Variants in TMEM18 observed in about 807,000 individuals in gnomAD.
TMEM18 encodes the protein transmembrane protein 18.
TMEM18 carries 14 observed loss-of-function variants against 17.4 expected under a neutral mutation model. The observed-to-expected ratio is 0.80, with a 90% CI of 0.53 to 1.25. The LOEUF (loss-of-function observed/expected upper bound fraction) is 1.25, where lower values mean the gene tolerates loss of function less well. Ranked by LOEUF, TMEM18 falls within the 50% of genes most tolerant of loss-of-function variation. The pLI is 0.00. For missense variants in TMEM18, 187 were observed against 172.1 expected (o/e 1.09, Z -0.48); for synonymous variants, 86 against 66.1 (o/e 1.30, Z -1.46).
rs1364330059 is a variant in TMEM18 at position 666,882 on chromosome 2, T to C, written c.*2698A>G. Among the ~76,000 whole-genome samples, 1 of 152,154 alleles carries C rather than the reference T, an allele frequency of 6.6e-6. No homozygotes were observed. On this transcript the variant is annotated 3_prime_UTR_variant, in exon 5 of 5. Coordinates refer to ENST00000281017, the MANE Select transcript of TMEM18 (RefSeq NM_152834.4). ...CCACTGAAATCCAGACAAGGAAGCC[T>C]GAAGTTCTTTTCCAGGGAAAAGATG...
At chr2:676,805 G>A in intron 1 of TMEM18, 2 of 688,392 alleles carry the variant, frequency 2.9e-6, no homozygotes, top group Non-Finnish European at 4.8e-6. Flanking sequence ...CGCCCACATG[G>A]CCCAAGCCCC....
Position 665,962 on chromosome 2 carries a change from T to G in TMEM18, c.*3618A>C, listed in dbSNP as rs1678677672. The stretch of plus-strand genomic sequence containing the variant: ...ACCCCACGCACACAAAACCCAGAGA[T>G]GCGGATGCCCAGCTCACTCGGATGG... On this transcript the variant is annotated 3_prime_UTR_variant, in exon 5 of 5. Coordinates refer to ENST00000281017, the MANE Select transcript of TMEM18 (RefSeq NM_152834.4). Among the ~76,000 whole-genome samples, 1 of 150,538 alleles carries G rather than the reference T, an allele frequency of 6.6e-6. No individual in the cohort carries two copies. Among genetic ancestry groups the G allele is most frequent in the South Asian group, 2.1e-4 (1 of 4,752 alleles).
chr2:669,903 T>C (rs1161793806), intron 3 of TMEM18, 53 bp from the exon 4 acceptor site: 4 of 1,376,570 alleles, frequency 2.9e-6, no homozygotes, highest in African/African-American at 1.5e-5. Flanking sequence ...CAAAAAGTTC[T>C]AGTGACACCG....
intron 1 of TMEM18, 68 bp from the exon 2 acceptor site, chr2:675,698 G>A: frequency 1.3e-6 from 2 of 1,591,262 alleles, no homozygotes; most frequent in African/African-American, 1.3e-5. Context: ...CCCACCCACA[G>A]CCTTCTCCCA....
intron 1 of TMEM18, chr2:676,135 C>T: frequency 7.5e-7 from 1 of 1,325,972 alleles, no homozygotes; most frequent in Non-Finnish European, 1.0e-6. Context: ...TGAGCCATCG[C>T]CACGTGCAAG....
rs1678706628 is a variant in TMEM18 at position 666,899 on chromosome 2, GAA to G, written c.*2679_*2680del. ...AGGAAGCCTGAAGTTCTTTTCCAGGGAAAAGATGCTTGGGCCTGACCGGTATA... is the reference window on the plus strand; with the variant it reads ...AGGAAGCCTGAAGTTCTTTTCCAGGGAAGATGCTTGGGCCTGACCGGTATA... On this transcript the variant is annotated 3_prime_UTR_variant, in exon 5 of 5. Transcript: ENST00000281017. 6.6e-6 allele frequency among the ~76,000 whole-genome samples: 1 copy of G among 152,052 alleles called. No homozygotes were observed. Among genetic ancestry groups the G allele is most frequent in the African/African-American group, 2.4e-5 (1 of 41,396 alleles).
At position 664,913 on chromosome 2, in the gene TMEM18, G is replaced by A. The variant is rs1229545050; in HGVS notation, c.*4667C>T. On this transcript the variant is annotated 3_prime_UTR_variant, in exon 5 of 5. Coordinates refer to ENST00000281017, the MANE Select transcript of TMEM18 (RefSeq NM_152834.4). ...CCCCTACAATGTGTTTACTATGCAGGCATTGAAAATAATGTTATATAGTGA... is the reference window on the plus strand; with the variant it reads ...CCCCTACAATGTGTTTACTATGCAGACATTGAAAATAATGTTATATAGTGA... 6.6e-6 allele frequency among the ~76,000 whole-genome samples: 1 copy of A among 152,082 alleles called. No individual in the cohort carries two copies. The highest frequency in any genetic ancestry group is 1.5e-5 in the Non-Finnish European group (1 of 68,010).
rs754946812 is a variant in TMEM18, at chr2:676,646, C to T, written c.57+643G>A. 1.0e-5 allele frequency: 16 copies of T among 1,549,500 alleles called. No individual in the cohort carries two copies. In the South Asian group the frequency reaches 1.3e-4, roughly 13 times the overall value. On this transcript the variant is annotated intron_variant, in intron 1 of 4. Transcript: ENST00000281017. The stretch of plus-strand genomic sequence containing the variant: ...GACCCCATCGAGTGCCCATGTCACC[C>T]CTTGGCGGCCACGTGGGGCGTGGGC...
At chr2:674,296 G>A (rs991554745) in intron 2 of TMEM18, among the ~76,000 whole-genome samples, 13 of 152,168 alleles carry the variant, frequency 8.5e-5, no homozygotes, top group Non-Finnish European at 1.8e-4. Context: ...CTTTCTTTGA[G>A]ATGCCTGCCT....
rs920815448 is a variant in TMEM18, at chr2:665,540, T to C, written c.*4040A>G. 2.2e-5 allele frequency among the ~76,000 whole-genome samples: 3 copies of C among 134,366 alleles called. No individual in the cohort carries two copies. Among genetic ancestry groups the C allele is most frequent in the South Asian group, 2.5e-4 (1 of 3,990 alleles). 88.1% of individuals were successfully genotyped at this position (134,366 alleles called of 152,430 possible). ...ACTCAGACAGAGAATCAACCCCACA[T>C]AAACTAGAACCCAGAGATGCAGATG... On this transcript the variant is annotated 3_prime_UTR_variant, in exon 5 of 5. Coordinates refer to ENST00000281017, the MANE Select transcript of TMEM18 (RefSeq NM_152834.4).
chr2:672,716 T>G (rs538978798), intron 3 of TMEM18, 92 bp downstream of exon 3: 176 of 1,207,950 alleles, frequency 1.5e-4, no homozygotes, highest in Middle Eastern at 2.5e-4. Context: ...ACGTTAGGAT[T>G]CACTGTCTCC....
intron 1 of TMEM18, among the ~76,000 whole-genome samples, chr2:677,031 C>T (rs1366830884): frequency 6.6e-6 from 1 of 150,652 alleles, no homozygotes; most frequent in African/African-American, 2.4e-5. Flanking sequence ...CCCAGGACCC[C>T]GCCTAGCGCT....
intron 1 of TMEM18, chr2:676,393 C>G (rs993561385): frequency 7.4e-7 from 1 of 1,358,646 alleles, no homozygotes; most frequent in Admixed American, 2.4e-5. Context: ...GCCCTGCCCT[C>G]CAAGCTGCAG....
chr2:671,411 C>T (rs955707288), intron 3 of TMEM18, among the ~76,000 whole-genome samples: 14 of 137,860 alleles, frequency 1.0e-4, no homozygotes, highest in African/African-American at 4.1e-4. Flanking sequence ...CAGGGTCCTC[C>T]TGGGACTGAA....
rs1250616705 is a variant in TMEM18 at position 675,614 on chromosome 2, T to G, written c.74A>C (p.Glu25Ala). The G allele has an allele frequency of 2.5e-6, 4 of 1,613,986 alleles. No individual in the cohort carries two copies. Among genetic ancestry groups the G allele is most frequent in the Non-Finnish European group, 3.4e-6 (4 of 1,180,042 alleles). The change falls in exon 2 of 5, where the codon GAG becomes GCG. Residue 25 changes from glutamate (E) to alanine (A), a missense_variant. Physicochemically the swap from Glu to Ala is moderately radical, Grantham distance 107 (BLOSUM62 -1). Transcript: ENST00000281017. ...PAVLTQTDWT[E>A]PWLMGLATFH... ...GGTGGCCAGCCCCATGAGCCAGGGC[T>G]CAGTCCAGTCCGTCTGCTGTAGGAA...
At chr2:677,185 ACGGCCGGGGCCTTCTTGGCCACAGGCCG>A in intron 1 of TMEM18, 76 bp downstream of exon 1, 1 of 1,421,066 alleles carries the variant, frequency 7.0e-7, no homozygotes, top group Non-Finnish European at 9.6e-7. Context: ...GGCCCCGCCC[ACGGCCGGGGCCTTCTTGGCCACAGGCCG>A]GGTGCTCTGT....
In TMEM18 at chr2:667,743, C is replaced by G. The variant is rs565207242; in HGVS notation, c.*1837G>C. On this transcript the variant is annotated 3_prime_UTR_variant, in exon 5 of 5. Transcript: ENST00000281017. Reference sequence around the variant, plus strand: ...TTTACAAAACCAAAATATAACTGTTCCAAAACACAGACACACACATGCAGA... The same window carrying G: ...TTTACAAAACCAAAATATAACTGTTGCAAAACACAGACACACACATGCAGA... 5.9e-5 allele frequency: 9 copies of G among 152,302 alleles called. No homozygotes were observed. In the South Asian group the frequency reaches 1.7e-3, roughly 28 times the overall value. 9.4% of individuals were successfully genotyped at this position (152,302 alleles called of 1,614,324 possible).
rs1213138350 is a variant in TMEM18 at position 674,799 on chromosome 2, G to A, written c.178+711C>T. Among the ~76,000 whole-genome samples the A allele has an allele frequency of 3.3e-5, 5 of 152,232 alleles. No individual in the cohort carries two copies. The South Asian group carries it at 6.2e-4, about 19-fold the overall frequency. On this transcript the variant is annotated intron_variant, in intron 2 of 4. Transcript: ENST00000281017. ...CAATGTTGAGAGTCAAGAGTAGCCT[G>A]AGCCAGGCCTCCAGGCCCTCCTCGC... is the stretch of plus-strand genomic sequence containing the variant.
Position 667,383 on chromosome 2 carries a change from G to A in TMEM18, c.*2197C>T, listed in dbSNP as rs1678723220. 1 of 152,214 alleles carries A rather than the reference G, an allele frequency of 6.6e-6. No individual in the cohort carries two copies. The highest frequency in any genetic ancestry group is 2.1e-4 in the South Asian group (1 of 4,822). 9.4% of individuals were successfully genotyped at this position (152,214 alleles called of 1,614,324 possible). On this transcript the variant is annotated 3_prime_UTR_variant, in exon 5 of 5. Transcript: ENST00000281017. ...GCATAGCAATCGATAAACGTAAGGTGTCACAGGTTTGGAATGTGAAAAATA... is the reference window on the plus strand; with the variant it reads ...GCATAGCAATCGATAAACGTAAGGTATCACAGGTTTGGAATGTGAAAAATA...
Sources: allele counts gnomAD v4.1 joint callset (sites outside exome capture counted in the v4.1 genomes callset), GRCh38; gene constraint gnomAD v4.1.1; transcripts MANE v1.5; gene names NCBI Gene and HGNC (gene_info 2026-07-23, HGNC 2026-07-21).